The following TMEM266 variants were observed in gnomAD, a reference collection of about 807,000 sequenced individuals.
TMEM266 encodes the protein Hv1 related protein 1.
Under a neutral mutation model 50.5 loss-of-function variants are expected in TMEM266, and 33 were observed. The observed-to-expected ratio is 0.65, with a 90% CI of 0.50 to 0.87. The LOEUF (loss-of-function observed/expected upper bound fraction) is 0.87. Among genes scored for constraint, TMEM266 ranks in the 40% least tolerant of loss-of-function variants. The probability of loss-of-function intolerance (pLI) is 0.00; values close to 1 mark genes in which losing one functional copy is unlikely to be tolerated. For missense variants in TMEM266, 655 were observed against 695.1 expected, an observed-to-expected ratio of 0.94 and a Z score of 0.65; for synonymous variants, 310 against 292.3, an observed-to-expected ratio of 1.06 and a Z score of -0.62.
At position 76,093,831 on chromosome 15, in the gene TMEM266, A is replaced by G. The variant is rs184019522; in HGVS notation, c.-97+33815A>G. The stretch of plus-strand genomic sequence containing the variant: ...TTTAACTGGTGGGAGATGGTATCTT[A>G]TTGTGGTTTTGATTTGCATTTCTCT... On this transcript the variant is annotated intron_variant, in intron 1 of 10. Coordinates refer to ENST00000388942, the MANE Select transcript of TMEM266 (RefSeq NM_152335.3). Among the ~76,000 whole-genome samples, 146 of 152,066 alleles carry G rather than the reference A, an allele frequency of 9.6e-4. 2 individuals carry two copies. The highest frequency in any genetic ancestry group is 1.7e-3 in the Non-Finnish European group (113 of 67,980).
At chr15:76,104,240 A>G (rs1281943192) in intron 1 of TMEM266, among the ~76,000 whole-genome samples, 1 of 152,052 alleles carries the variant, frequency 6.6e-6, no homozygotes, top group East Asian at 1.9e-4. Flanking sequence ...AGTCATCGGC[A>G]AATAGATCTG....
intron 5 of TMEM266, among the ~76,000 whole-genome samples, chr15:76,167,492 T>C (rs923916410): frequency 2.0e-5 from 3 of 147,172 alleles, no homozygotes; most frequent in Admixed American, 6.8e-5. Context: ...AAAGAAACCA[T>C]ATTATTATGT....
chr15:76,164,019 C>G (rs1360394110), intron 5 of TMEM266, among the ~76,000 whole-genome samples: 1 of 152,222 alleles, frequency 6.6e-6, no homozygotes, highest in Non-Finnish European at 1.5e-5. Flanking sequence ...AAAGGAGACC[C>G]CATTCCCAGT....
In TMEM266 at chr15:76,203,935, G is replaced by C; in HGVS notation, c.1216G>C (p.Gly406Arg). Reference sequence around the variant, plus strand: ...CCAGAGTGACAGCAGCCAGACGCTGGGCTCCTCCATGGACTGCAGCACTGC... The same window carrying C: ...CCAGAGTGACAGCAGCCAGACGCTGCGCTCCTCCATGGACTGCAGCACTGC... The change falls in exon 11 of 11, where the codon GGC (glycine) becomes CGC (arginine). Residue 406 changes from glycine to arginine, a missense_variant. Gly to Arg is a moderately radical substitution (Grantham distance 125). Coordinates refer to ENST00000388942, the MANE Select transcript of TMEM266 (RefSeq NM_152335.3). The C allele has an allele frequency of 6.2e-7, 1 of 1,614,008 alleles. No homozygotes were observed. The highest frequency in any genetic ancestry group is 1.7e-5 in the Admixed American group (1 of 60,032).
intron 5 of TMEM266, among the ~76,000 whole-genome samples, chr15:76,167,033 G>A (rs1025752467): frequency 2.0e-5 from 3 of 152,282 alleles, no homozygotes; most frequent in East Asian, 1.9e-4. Flanking sequence ...GCACCAGGCC[G>A]TATTCCCATC....
chr15:76,148,731 C>A (rs1178748039), intron 3 of TMEM266, among the ~76,000 whole-genome samples: 1 of 5,980 alleles, frequency 1.7e-4, no homozygotes, highest in Admixed American at 1.7e-3. Flanking sequence ...CCCTTCACCC[C>A]CCACCTGAGC....
At chr15:76,184,464 C>G (rs1016085593) in intron 8 of TMEM266, among the ~76,000 whole-genome samples, 1 of 152,226 alleles carries the variant, frequency 6.6e-6, no homozygotes, top group Non-Finnish European at 1.5e-5. Context: ...TAGTTTGCAA[C>G]TGTCTCCTGA....
chr15:76,201,977 A>G (rs2038755300), intron 9 of TMEM266, among the ~76,000 whole-genome samples: 1 of 152,152 alleles, frequency 6.6e-6, no homozygotes, highest in South Asian at 2.1e-4. Flanking sequence ...ACTAAGGCAG[A>G]TGCTTCATCA....
At chr15:76,073,176 C>T (rs1178404502) in intron 1 of TMEM266, among the ~76,000 whole-genome samples, 1 of 151,888 alleles carries the variant, frequency 6.6e-6, no homozygotes, top group Admixed American at 6.6e-5. Flanking sequence ...GGTGATCCAC[C>T]TGCCTCAGCC....
chr15:76,077,925 A>G (rs979516483), intron 1 of TMEM266, among the ~76,000 whole-genome samples: 2 of 152,074 alleles, frequency 1.3e-5, no homozygotes, highest in Non-Finnish European at 2.9e-5. Context: ...GAGTAAACAC[A>G]TGGTAAATGG....
At chr15:76,174,642 A>G (rs575107843) in intron 7 of TMEM266, among the ~76,000 whole-genome samples, 4 of 152,346 alleles carry the variant, frequency 2.6e-5, no homozygotes, top group African/African-American at 9.6e-5. Context: ...CATGACTCCA[A>G]AGAGAAAGCC....
chr15:76,160,926 T>C lies in TMEM266; in HGVS notation c.456+758T>C, dbSNP rs1178542797. 6.6e-6 allele frequency among the ~76,000 whole-genome samples: 1 copy of C among 152,134 alleles called. No individual in the cohort carries two copies. Among genetic ancestry groups the C allele is most frequent in the East Asian group, 1.9e-4 (1 of 5,182 alleles). ...TTTTTTCATGGCGGTGAGTGACACT[T>C]CCTTTGAGCAGTTCCCAGGCTGTCC... On this transcript the variant is annotated intron_variant, in intron 5 of 10. Transcript: ENST00000388942. The surrounding 1 kb of genome is among the most constrained non-coding windows in gnomAD (Gnocchi z 5.7).
At position 76,204,111 on chromosome 15, in the gene TMEM266, C is replaced by T; in HGVS notation, c.1392C>T (p.Ala464=). The T allele has an allele frequency of 6.2e-7, 1 of 1,613,032 alleles. No homozygotes were observed. The highest frequency in any genetic ancestry group is 8.5e-7 in the Non-Finnish European group (1 of 1,179,682). ...AGGCCTTGGACCCAGCCCCCCTCGCCCGGCCCAGCCCAGCGGGCTCGGCCC... is the reference window on the plus strand; with the variant it reads ...AGGCCTTGGACCCAGCCCCCCTCGCTCGGCCCAGCCCAGCGGGCTCGGCCC... ...PLARPSPAGS[A]QTSPELEHRV... is the part of the protein sequence containing the mutation. The change falls in exon 11 of 11, where the codon GCC becomes GCT. Residue 464 remains alanine, a synonymous_variant. Coordinates refer to ENST00000388942, the MANE Select transcript of TMEM266 (RefSeq NM_152335.3).
intron 3 of TMEM266, among the ~76,000 whole-genome samples, chr15:76,142,892 G>C (rs1359157755): frequency 6.6e-6 from 1 of 152,194 alleles, no homozygotes; most frequent in Non-Finnish European, 1.5e-5. Flanking sequence ...TGCCTCCCCA[G>C]ACTCAAGGTC....
At chr15:76,103,465 C>T (rs938476519) in intron 1 of TMEM266, among the ~76,000 whole-genome samples, 1 of 151,734 alleles carries the variant, frequency 6.6e-6, no homozygotes, top group Non-Finnish European at 1.5e-5. Flanking sequence ...ACACCACTCT[C>T]TCTAAGGTTT....
intron 1 of TMEM266, among the ~76,000 whole-genome samples, chr15:76,116,896 CTTTT>C (rs143849730): frequency 7.6e-6 from 1 of 131,680 alleles, no homozygotes; most frequent in Non-Finnish European, 1.7e-5. Context: ...AGCATATCTT[CTTTT>C]TTTTTTTTTT....
At chr15:76,121,840 C>T (rs183519129) in intron 1 of TMEM266, among the ~76,000 whole-genome samples, 16 of 152,332 alleles carry the variant, frequency 1.1e-4, no homozygotes, top group Non-Finnish European at 2.9e-5. Flanking sequence ...GATAGTCTTT[C>T]ACTATTCTCA....
chr15:76,165,046 A>T (rs949609723), intron 5 of TMEM266, among the ~76,000 whole-genome samples: 1 of 152,228 alleles, frequency 6.6e-6, no homozygotes, highest in African/African-American at 2.4e-5. Context: ...CCAGGGAAAG[A>T]CGCTGATTCT....
chr15:76,112,403 A>G (rs1018435586), intron 1 of TMEM266: 2 of 152,222 alleles, frequency 1.3e-5, no homozygotes, highest in Admixed American at 6.5e-5. Flanking sequence ...ATCTATGGTA[A>G]TGCTTTGTAC....
Sources: allele counts gnomAD v4.1 joint callset (sites outside exome capture counted in the v4.1 genomes callset), GRCh38; gene constraint gnomAD v4.1.1; non-coding constraint Gnocchi (gnomAD v3.1); transcripts MANE v1.5; gene names NCBI Gene and HGNC (gene_info 2026-07-23, HGNC 2026-07-21).